Variants in DEPDC5 observed in about 807,000 individuals in gnomAD.
DEPDC5 encodes the protein DEP domain containing 5, GATOR1 subcomplex subunit, also known as GATOR1 complex protein DEPDC5.
DEPDC5 carries 73 observed loss-of-function variants against 217.3 expected under a neutral mutation model. The ratio of observed to expected loss-of-function variants is 0.34; its 90% CI spans 0.28 to 0.41. The LOEUF is 0.41. DEPDC5 is among the 10% of genes least tolerant of loss of function. DEPDC5 has a pLI of 1.00. For synonymous variants in DEPDC5, 733 were observed against 756.7 expected, an observed-to-expected ratio of 0.97 and a Z score of 0.51; for missense variants, 1,675 against 2,070.1, an observed-to-expected ratio of 0.81 and a Z score of 3.70.
intron 24 of DEPDC5, among the ~76,000 whole-genome samples, chr22:31,828,908 T>C (rs576447496): frequency 3.0e-4 from 45 of 152,302 alleles, no homozygotes; most frequent in Middle Eastern, 3.4e-3. Flanking sequence ...AAAGCCGTCT[T>C]GTGGGGGATT....
chr22:31,865,493 TCAAAACAAAACAAAA>T (rs111677630), intron 33 of DEPDC5, among the ~76,000 whole-genome samples: 10 of 151,876 alleles, frequency 6.6e-5, no homozygotes, highest in South Asian at 2.1e-4. Context: ...AAGACCTGTC[TCAAAACAAAACAAAA>T]CAAAACAAAA....
At chr22:31,829,078 T>C (rs1015506603) in intron 24 of DEPDC5, among the ~76,000 whole-genome samples, 1 of 152,224 alleles carries the variant, frequency 6.6e-6, no homozygotes, top group Non-Finnish European at 1.5e-5. Flanking sequence ...ATCTGTGTAA[T>C]GGGCATAAAG....
intron 22 of DEPDC5, among the ~76,000 whole-genome samples, chr22:31,820,626 C>G (rs1050009689): frequency 6.6e-6 from 1 of 152,068 alleles, no homozygotes; most frequent in Admixed American, 6.6e-5. Context: ...TGTGTCCTTT[C>G]CCCTCCATTA....
In DEPDC5 at chr22:31,842,975, A is replaced by C. The variant is rs2091487237; in HGVS notation, c.2516-120A>C. The stretch of plus-strand genomic sequence containing the variant: ...TTTTAACCAAGAATAACTTTCTTCC[A>C]TGAAACTGCCCCTAAGAGAAAGTGT... On this transcript the variant is annotated intron_variant, in intron 27 of 42. Coordinates refer to ENST00000651528, the MANE Select transcript of DEPDC5 (RefSeq NM_001242896.3). The C allele has an allele frequency of 5.5e-6, 4 of 728,556 alleles. No homozygotes were observed. The East Asian group carries it at 1.2e-4, about 21-fold the overall frequency. The allele number at this position is 728,556 out of a possible 1,614,324, so 45.1% of individuals were successfully genotyped here.
At chr22:31,879,467 C>T (rs2093114116) in intron 37 of DEPDC5, 58 bp from the exon 38 acceptor site, 1 of 1,517,022 alleles carries the variant, frequency 6.6e-7, no homozygotes, top group Non-Finnish European at 9.0e-7. Flanking sequence ...TAGCATGCAT[C>T]ATGAAGAAAA....
chr22:31,868,084 A>G (rs1184567085), intron 33 of DEPDC5, among the ~76,000 whole-genome samples: 8 of 152,064 alleles, frequency 5.3e-5, no homozygotes, highest in African/African-American at 1.9e-4. Flanking sequence ...CTCTTGCTGC[A>G]TTTCTCTGTG....
chr22:31,857,514 C>T lies in DEPDC5; in HGVS notation c.3225C>T (p.Ser1075=), dbSNP rs757534228. 8.1e-5 allele frequency: 130 copies of T among 1,612,136 alleles called. No homozygotes were observed. The highest frequency in any genetic ancestry group is 2.0e-4 in the South Asian group (18 of 90,446). Residue 1075 remains serine (S), a synonymous_variant, in exon 32 of 43, where the codon AGC becomes AGT. Coordinates refer to ENST00000651528, the MANE Select transcript of DEPDC5 (RefSeq NM_001242896.3). ...CCGCCCAGTCAGCCGAGAGCAGCAG[C>T]GTTGCCATGACTCCCACCTACATGG... is the stretch of plus-strand genomic sequence containing the variant. The part of the protein sequence containing the change: ...KSSAQSAESS[S]VAMTPTYMDS...
At chr22:31,905,428 A>C (rs1243209681) in intron 41 of DEPDC5, among the ~76,000 whole-genome samples, 1 of 150,844 alleles carries the variant, frequency 6.6e-6, no homozygotes, top group Non-Finnish European at 1.5e-5. Context: ...CAGTGAGCCG[A>C]GATCATGCCA....
rs117513253 is a variant in DEPDC5, at chr22:31,789,887, G to A, written c.625-2146G>A. Among the ~76,000 whole-genome samples the A allele has an allele frequency of 8.1e-4, 124 of 152,148 alleles. No homozygotes were observed. In the East Asian group the frequency reaches 0.021, roughly 26 times the overall value. On this transcript the variant is annotated intron_variant, in intron 10 of 42. Coordinates refer to ENST00000651528, the MANE Select transcript of DEPDC5 (RefSeq NM_001242896.3). ...CTCCTCAGTAGTTGGGACTACAGGC[G>A]CAGGCCACCATGCCTGGCTGATTAG... is the stretch of plus-strand genomic sequence containing the variant.
chr22:31,822,162 A>G (rs560255473), intron 23 of DEPDC5, among the ~76,000 whole-genome samples: 33 of 152,362 alleles, frequency 2.2e-4, no homozygotes, highest in Admixed American at 2.2e-3. Context: ...AGTGAGAGTC[A>G]GTGTAGGAGG....
chr22:31,755,745 A>C (rs1340377722), intron 2 of DEPDC5, among the ~76,000 whole-genome samples: 1 of 152,070 alleles, frequency 6.6e-6, no homozygotes, highest in Non-Finnish European at 1.5e-5. Context: ...TCTGAAGAAT[A>C]AAAGGGCACT....
chr22:31,832,862 G>A (rs140938097), intron 24 of DEPDC5, among the ~76,000 whole-genome samples: 1 of 152,136 alleles, frequency 6.6e-6, no homozygotes, highest in East Asian at 1.9e-4. Flanking sequence ...CTGTCATGTT[G>A]TAGATTGTTT....
intron 24 of DEPDC5, among the ~76,000 whole-genome samples, chr22:31,825,017 G>A (rs2090033187): frequency 6.6e-6 from 1 of 152,076 alleles, no homozygotes; most frequent in South Asian, 2.1e-4. Flanking sequence ...TACCTTTAGA[G>A]GGGCTATTGC....
chr22:31,854,111 C>CCTCATGTATGTT (rs919656571), intron 31 of DEPDC5, among the ~76,000 whole-genome samples: 5 of 152,158 alleles, frequency 3.3e-5, no homozygotes, highest in Admixed American at 6.5e-5. Context: ...CTGAGCATGC[C>CCTCATGTATGTT]CTCATGTATG....
chr22:31,775,403 C>T (rs1398123895), intron 7 of DEPDC5, among the ~76,000 whole-genome samples: 1 of 152,082 alleles, frequency 6.6e-6, no homozygotes, highest in Non-Finnish European at 1.5e-5. Context: ...TGGTGTCAAA[C>T]TCCTGACTTC....
At chr22:31,897,459 T>C in intron 39 of DEPDC5, 23 bp from the exon 40 acceptor site, 2 of 1,585,480 alleles carry the variant, frequency 1.3e-6, no homozygotes, top group Non-Finnish European at 8.6e-7. Flanking sequence ...GATGATATTG[T>C]TTGTTTCTGT....
intron 30 of DEPDC5, 121 bp downstream of exon 30, chr22:31,845,358 C>T: frequency 7.7e-7 from 1 of 1,307,114 alleles, no homozygotes; most frequent in Non-Finnish European, 1.1e-6. Context: ...CAGTGTTTAC[C>T]TTAAATCCAA....
At chr22:31,822,635 C>T in intron 23 of DEPDC5, 58 bp from the exon 24 acceptor site, 1 of 1,548,658 alleles carries the variant, frequency 6.5e-7, no homozygotes, top group South Asian at 1.1e-5. Context: ...TATAGGTGAG[C>T]AGGAAAAAGA....
At position 31,846,873 on chromosome 22, in the gene DEPDC5, A is replaced by G; in HGVS notation, c.3061A>G (p.Ile1021Val). 6.2e-7 allele frequency: 1 copy of G among 1,614,152 alleles called. No individual in the cohort carries two copies. The change falls in exon 31 of 43, where the codon ATT (isoleucine) becomes GTT (valine). Residue 1021 changes from isoleucine (I) to valine (V), a missense_variant. Ile to Val is a conservative substitution (Grantham distance 29). Coordinates refer to ENST00000651528, the MANE Select transcript of DEPDC5 (RefSeq NM_001242896.3). ...GAAAGGCTTGCAGATGACTGGGCCC[A>G]TTTCCACGCATTCTCTGGAGTCAAC... ...AMKGLQMTGP[I>V]STHSLESTAP...
Sources: gnomAD v4.1 joint callset for allele counts (sites outside exome capture counted in the v4.1 genomes callset) on GRCh38, gnomAD v4.1.1 for gene constraint, MANE v1.5 for transcripts, NCBI Gene and HGNC (gene_info 2026-07-23, HGNC 2026-07-21) for gene names.